BNC2: variants seen among roughly 807,000 people sequenced by gnomAD.
BNC2 encodes zinc finger protein basonuclin-2.
A neutral mutation model predicts 76.3 loss-of-function variants in BNC2; 20 were observed. That is an observed-to-expected ratio of 0.26 (90% CI 0.18 to 0.38). The LOEUF is 0.38. Ranked by LOEUF, BNC2 falls within the 10% of genes least tolerant of loss-of-function variation. BNC2 has a pLI of 1.00. For missense variants in BNC2, 1,382 were observed against 1,399.8 expected, an observed-to-expected ratio of 0.99 and a Z score of 0.20; for synonymous variants, 582 against 514.8, an observed-to-expected ratio of 1.13 and a Z score of -1.77.
intron 5 of BNC2, among the ~76,000 whole-genome samples, chr9:16,539,679 GAA>G (rs1563830822): frequency 3.4e-5 from 2 of 59,294 alleles, no homozygotes; most frequent in Non-Finnish European, 8.5e-5. Context: ...AGGGAGGGAG[GAA>G]GGAAGGAAGG....
intron 5 of BNC2, among the ~76,000 whole-genome samples, chr9:16,550,645 C>T (rs759449580): frequency 6.6e-6 from 1 of 152,136 alleles, no homozygotes; most frequent in Non-Finnish European, 1.5e-5. Flanking sequence ...CAGAAAGATA[C>T]AATGTATATG....
chr9:16,662,873 G>C (rs1822151030), intron 3 of BNC2, among the ~76,000 whole-genome samples: 1 of 152,136 alleles, frequency 6.6e-6, no homozygotes, highest in Non-Finnish European at 1.5e-5. Context: ...AAATCAATGT[G>C]TTTTTATTAT....
At chr9:16,765,115 C>T (rs1481554851) in intron 1 of BNC2, among the ~76,000 whole-genome samples, 1 of 152,136 alleles carries the variant, frequency 6.6e-6, no homozygotes, top group Non-Finnish European at 1.5e-5. Flanking sequence ...TTTGTACTAT[C>T]CACACTCTAT....
intron 3 of BNC2, among the ~76,000 whole-genome samples, chr9:16,656,807 T>A (rs922419076): frequency 2.6e-5 from 4 of 152,132 alleles, no homozygotes; most frequent in Admixed American, 2.6e-4. Flanking sequence ...TATAACTAAA[T>A]TTATACCCAT....
intron 3 of BNC2, among the ~76,000 whole-genome samples, chr9:16,648,230 T>C (rs1249101001): frequency 6.6e-6 from 1 of 152,224 alleles, no homozygotes; most frequent in Non-Finnish European, 1.5e-5. Context: ...AAACGAAAAC[T>C]GCTCCACTAC....
intron 3 of BNC2, among the ~76,000 whole-genome samples, chr9:16,620,905 G>A (rs541635181): frequency 6.6e-6 from 1 of 152,218 alleles, no homozygotes; most frequent in East Asian, 1.9e-4. Context: ...CACACACAGA[G>A]GTAACACCAC....
intron 4 of BNC2, chr9:16,575,213 A>G: frequency 1.0e-6 from 1 of 954,352 alleles, no homozygotes; most frequent in Non-Finnish European, 1.2e-6. Context: ...GTGAATGTAA[A>G]CAGTCTCATT....
intron 2 of BNC2, among the ~76,000 whole-genome samples, chr9:16,732,843 G>A (rs558287716): frequency 2.0e-5 from 3 of 152,130 alleles, no homozygotes; most frequent in African/African-American, 7.2e-5. Flanking sequence ...TCCTTATGGC[G>A]AAACAACTCA....
intron 1 of BNC2, among the ~76,000 whole-genome samples, chr9:16,843,582 C>A (rs950044521): frequency 3.3e-5 from 5 of 152,234 alleles, no homozygotes; most frequent in Non-Finnish European, 4.4e-5. Flanking sequence ...GATCCACCCG[C>A]CTTGGCCTCC....
intron 4 of BNC2, among the ~76,000 whole-genome samples, chr9:16,558,355 C>G (rs1283116421): frequency 6.6e-6 from 1 of 152,146 alleles, no homozygotes. Context: ...CTTGAGAATG[C>G]AAATCATATG....
chr9:16,752,510 T>C (rs1432379291), intron 1 of BNC2, among the ~76,000 whole-genome samples: 1 of 152,216 alleles, frequency 6.6e-6, no homozygotes, highest in Non-Finnish European at 1.5e-5. Context: ...TGTGAATTAG[T>C]AGTTTAATCT....
chr9:16,473,789 C>A (rs1821872903), intron 5 of BNC2, among the ~76,000 whole-genome samples: 1 of 152,192 alleles, frequency 6.6e-6, no homozygotes, highest in South Asian at 2.1e-4. Flanking sequence ...AGGAGAATCA[C>A]TCGAACCCAG....
At chr9:16,744,133 A>ATT (rs368807707) in intron 1 of BNC2, among the ~76,000 whole-genome samples, 1 of 151,124 alleles carries the variant, frequency 6.6e-6, no homozygotes, top group African/African-American at 2.4e-5. Flanking sequence ...CGCCCGGCTA[A>ATT]TTTTTTTTTG....
At chr9:16,781,533 G>T (rs4246148) in intron 1 of BNC2, among the ~76,000 whole-genome samples, 2 of 152,160 alleles carry the variant, frequency 1.3e-5, no homozygotes, top group East Asian at 1.9e-4. Flanking sequence ...AGTAGAGACG[G>T]GGTTTCGTTG....
At chr9:16,684,343 T>C (rs1350636342) in intron 3 of BNC2, among the ~76,000 whole-genome samples, 1 of 152,180 alleles carries the variant, frequency 6.6e-6, no homozygotes, top group Admixed American at 6.5e-5. Context: ...TACATGATCG[T>C]GTCTCATGTG....
In BNC2 at chr9:16,512,255, G is replaced by T. The variant is rs183905528; in HGVS notation, c.669+40275C>A. ...TTCTATTCTGTCAAATAGAAGGACT[G>T]AGTACTTTTAAAAATCATGCTATTT... On this transcript the variant is annotated intron_variant, in intron 5 of 6. Coordinates refer to ENST00000380672, the MANE Select transcript of BNC2 (RefSeq NM_017637.6). 8.5e-5 allele frequency among the ~76,000 whole-genome samples: 13 copies of T among 152,266 alleles called. No individual in the cohort carries two copies. In the East Asian group the frequency reaches 2.3e-3, roughly 27 times the overall value.
At chr9:16,546,759 C>T (rs1818495222) in intron 5 of BNC2, among the ~76,000 whole-genome samples, 2 of 152,180 alleles carry the variant, frequency 1.3e-5, no homozygotes, top group Admixed American at 1.3e-4. Context: ...ACTCAGGCCT[C>T]TTCTCTTCCC....
intron 1 of BNC2, among the ~76,000 whole-genome samples, chr9:16,866,094 C>T (rs1484527611): frequency 6.6e-6 from 1 of 151,964 alleles, no homozygotes; most frequent in Non-Finnish European, 1.5e-5. Context: ...AGTAATGCTC[C>T]TAAAAACTAG....
intron 1 of BNC2, among the ~76,000 whole-genome samples, chr9:16,800,684 T>C (rs527906872): frequency 1.3e-5 from 2 of 152,202 alleles, no homozygotes; most frequent in Admixed American, 1.3e-4. Flanking sequence ...TAATTTTCAG[T>C]GCAAGAGATC....
Sources: gnomAD v4.1 joint callset for allele counts (sites outside exome capture counted in the v4.1 genomes callset) on GRCh38, gnomAD v4.1.1 for gene constraint, MANE v1.5 for transcripts, NCBI Gene and HGNC (gene_info 2026-07-23, HGNC 2026-07-21) for gene names.